CNTROB: variants seen among roughly 807,000 people sequenced by gnomAD.
The protein encoded by CNTROB is centrobin, centriole duplication and spindle assembly protein, also known as centrobin.
In CNTROB, 82 loss-of-function variants were observed where a neutral mutation model predicts 115.7. That is an observed-to-expected ratio of 0.71 (90% CI 0.59 to 0.85). The LOEUF (loss-of-function observed/expected upper bound fraction) is 0.85. Among genes scored for constraint, CNTROB ranks in the 40% least tolerant of loss-of-function variants. The probability of loss-of-function intolerance (pLI) is 0.00; values close to 1 mark genes in which losing one functional copy is unlikely to be tolerated. For synonymous variants in CNTROB, 439 were observed against 456.4 expected (o/e 0.96, Z 0.49); for missense variants, 1,014 against 1,144.4 (o/e 0.89, Z 1.64).
chr17:7,947,477 C>A, intron 13 of CNTROB, 94 bp from the exon 14 acceptor site: 1 of 1,190,382 alleles, frequency 8.4e-7, no homozygotes, highest in South Asian at 2.0e-5. Flanking sequence ...TTTAATAGGC[C>A]CCTTTCTTCT....
chr17:7,933,936 T>G (rs529274225), intron 1 of CNTROB, among the ~76,000 whole-genome samples: 1 of 152,234 alleles, frequency 6.6e-6, no homozygotes, highest in Non-Finnish European at 1.5e-5. Context: ...ACTCTTGTCT[T>G]ATACCTCCTC....
intron 13 of CNTROB, among the ~76,000 whole-genome samples, chr17:7,946,687 G>A (rs1974569378): frequency 6.6e-6 from 1 of 152,160 alleles, no homozygotes; most frequent in African/African-American, 2.4e-5. Context: ...GACCCATATA[G>A]TGAGACCTCA....
chr17:7,947,978 T>C lies in CNTROB; in HGVS notation c.2208T>C (p.Ser736=). The change falls in exon 15 of 19, where the codon TCT becomes TCC. Residue 736 remains serine, a splice_region_variant and synonymous_variant. Coordinates refer to ENST00000563694, the MANE Select transcript of CNTROB (RefSeq NM_053051.5). The part of the protein sequence containing the change: ...NPSVDLLPPK[S]GPLTVPSWEE... ...CTGTCGACCTGTTGCCCCCTAAGTC[T>C]GGTGAGTTCCAACTCTGAAGAAGGT... The C allele has an allele frequency of 6.2e-7, 1 of 1,613,464 alleles. No homozygotes were observed. Among genetic ancestry groups the C allele is most frequent in the Non-Finnish European group, 8.5e-7 (1 of 1,179,478 alleles).
rs748617832 is a variant in CNTROB at position 7,940,168 on chromosome 17, C to T, written c.1237C>T (p.Arg413Trp). 16 of 1,611,518 alleles carry T rather than the reference C, an allele frequency of 9.9e-6. No individual in the cohort carries two copies. The highest frequency in any genetic ancestry group is 8.0e-5 in the African/African-American group (6 of 74,760). The change falls in exon 9 of 19, where the codon CGG becomes TGG. Residue 413 changes from arginine to tryptophan, a missense_variant. Coordinates refer to ENST00000563694, the MANE Select transcript of CNTROB (RefSeq NM_053051.5). ...HQLALVQSEV[R>W]RLEGELDTAR... The stretch of plus-strand genomic sequence containing the variant: ...GTTGGCATTGGTGCAGTCTGAGGTG[C>T]GGCGGCTGGAAGGAGAGCTGGATAC...
chr17:7,937,706 G>A (rs2151745959), intron 7 of CNTROB, among the ~76,000 whole-genome samples: 1 of 152,180 alleles, frequency 6.6e-6, no homozygotes, highest in South Asian at 2.1e-4. Flanking sequence ...GGGAGGCTGA[G>A]GCAGGAGAAT....
Position 7,936,440 on chromosome 17 carries a change from T to C in CNTROB, c.669T>C (p.Ala223=), listed in dbSNP as rs1245600230. ...ELQQQLAVAV[A]ADRKKDTMIE... ...AGCAACAATTAGCCGTGGCTGTGGC[T>C]GCCGACCGCAAGAAAGATACCATGA... The change falls in exon 5 of 19, where the codon GCT becomes GCC. Residue 223 remains alanine, a synonymous_variant. Transcript: ENST00000563694. The C allele has an allele frequency of 1.3e-6, 2 of 1,563,404 alleles. No homozygotes were observed. Among genetic ancestry groups the C allele is most frequent in the Middle Eastern group, 1.7e-4 (1 of 5,962 alleles).
chr17:7,946,358 T>C (rs1974534538), intron 13 of CNTROB, among the ~76,000 whole-genome samples: 1 of 152,238 alleles, frequency 6.6e-6, no homozygotes, highest in South Asian at 2.1e-4. Context: ...AGTTTACACA[T>C]GGGTTTGACC....
chr17:7,933,114 TC>T lies in CNTROB; in HGVS notation c.36del (p.Ala14ArgfsTer5). ...ATSADSPSSP[L>X]GAEDLLSDSS... The stretch of plus-strand genomic sequence containing the variant: ...TCAGCTGACAGCCCCAGTTCACCCC[TC>T]GGGGCGGAGGATCTCCTGAGTGATT... On this transcript the variant is annotated frameshift_variant, in exon 1 of 19. Transcript: ENST00000563694. LOFTEE classifies it high-confidence loss of function. The T allele has an allele frequency of 6.2e-7, 1 of 1,614,112 alleles. No homozygotes were observed. The highest frequency in any genetic ancestry group is 8.5e-7 in the Non-Finnish European group (1 of 1,180,002).
rs1280718988 is a variant in CNTROB, at chr17:7,948,476, A to T, written c.2381-11A>T. On this transcript the variant is annotated splice_polypyrimidine_tract_variant and intron_variant, in intron 16 of 18. Coordinates refer to ENST00000563694, the MANE Select transcript of CNTROB (RefSeq NM_053051.5). The surrounding 1 kb of genome is among the most constrained non-coding windows in gnomAD (Gnocchi z 4.4). Reference sequence around the variant, plus strand: ...TAGGATGACGCCTGTGATTATTGCGATGTCTGTCAGGTGGAGATGGGCTTA... The same window carrying T: ...TAGGATGACGCCTGTGATTATTGCGTTGTCTGTCAGGTGGAGATGGGCTTA... 6.2e-7 allele frequency: 1 copy of T among 1,614,026 alleles called. No homozygotes were observed. The highest frequency in any genetic ancestry group is 8.5e-7 in the Non-Finnish European group (1 of 1,179,986).
In CNTROB at chr17:7,943,843, G is replaced by A. The variant is rs1411501538; in HGVS notation, c.1446-280G>A. Among the ~76,000 whole-genome samples, 6 of 152,318 alleles carry A rather than the reference G, an allele frequency of 3.9e-5. No homozygotes were observed. The East Asian group carries it at 1.2e-3, about 29-fold the overall frequency. On this transcript the variant is annotated intron_variant, in intron 10 of 18. Transcript: ENST00000563694. The surrounding 1 kb of genome is among the most constrained non-coding windows in gnomAD (Gnocchi z 4.7). ...CCTGTGCTGTCTCCAGAGCTGCTCT[G>A]TCGGACTGAGCCTCCTCGCAGCCTG...
Position 7,939,854 on chromosome 17 carries a change from A to C in CNTROB, c.1164+105A>C. On this transcript the variant is annotated intron_variant, in intron 8 of 18. Transcript: ENST00000563694. The surrounding 1 kb of genome is among the most constrained non-coding windows in gnomAD (Gnocchi z 4.4). ...ATATGGGGGATACATATAGGCAGGA[A>C]TGGAGAGTAGAGAGCCATGTGTGGG... 1 of 1,205,518 alleles carries C rather than the reference A, an allele frequency of 8.3e-7. No homozygotes were observed. The highest frequency in any genetic ancestry group is 1.2e-6 in the Non-Finnish European group (1 of 833,982). The allele number at this position is 1,205,518 out of a possible 1,614,324, so 74.7% of individuals were successfully genotyped here.
At chr17:7,934,283 G>A in intron 2 of CNTROB, 61 bp downstream of exon 2, 1 of 1,516,368 alleles carries the variant, frequency 6.6e-7, no homozygotes. Flanking sequence ...GTGGGAGAAA[G>A]TGGACAGAGG....
chr17:7,936,841 A>G (rs1372443812), intron 6 of CNTROB, 24 bp downstream of exon 6: 2 of 922,262 alleles, frequency 2.2e-6, no homozygotes, highest in Admixed American at 1.7e-5. Context: ...AGCATATGGC[A>G]TTAGAACCTG....
Position 7,939,684 on chromosome 17 carries a change from C to G in CNTROB, c.1099C>G (p.His367Asp). 6.2e-7 allele frequency: 1 copy of G among 1,614,086 alleles called. No homozygotes were observed. ...EERQTWAQQE[H>D]QLKEHYQALQ... Reference sequence around the variant, plus strand: ...ACGGCAGACCTGGGCCCAGCAAGAGCACCAGCTTAAGGAACACTACCAGGC... The same window carrying G: ...ACGGCAGACCTGGGCCCAGCAAGAGGACCAGCTTAAGGAACACTACCAGGC... The change falls in exon 8 of 19, where the codon CAC becomes GAC. Residue 367 changes from histidine to aspartate, a missense_variant. Physicochemically the swap from His to Asp is moderately conservative, Grantham distance 81. Coordinates refer to ENST00000563694, the MANE Select transcript of CNTROB (RefSeq NM_053051.5). This position sits in a 1 kb window ranked among gnomAD's most constrained non-coding sequence, Gnocchi z 4.4.
chr17:7,939,758 G>A lies in CNTROB; in HGVS notation c.1164+9G>A, dbSNP rs755889366. Reference sequence around the variant, plus strand: ...AGCTGGAAAGGGAGAAGGTAAAAGTGGCAGTTGGAAGAGCTGAGGAACTAG... The same window carrying A: ...AGCTGGAAAGGGAGAAGGTAAAAGTAGCAGTTGGAAGAGCTGAGGAACTAG... On this transcript the variant is annotated intron_variant, in intron 8 of 18. Coordinates refer to ENST00000563694, the MANE Select transcript of CNTROB (RefSeq NM_053051.5). This position sits in a 1 kb window ranked among gnomAD's most constrained non-coding sequence, Gnocchi z 4.4. The A allele has an allele frequency of 6.2e-7, 1 of 1,612,980 alleles. No individual in the cohort carries two copies. The highest frequency in any genetic ancestry group is 8.5e-7 in the Non-Finnish European group (1 of 1,179,188).
chr17:7,942,787 A>ATTTTTTTTTTTTT (rs71159534), intron 9 of CNTROB, among the ~76,000 whole-genome samples: 2 of 35,792 alleles, frequency 5.6e-5, no homozygotes, highest in Non-Finnish European at 1.0e-4. Flanking sequence ...TACTCAGGGT[A>ATTTTTTTTTTTTT]TTTTTTTTTT....
Position 7,933,236 on chromosome 17 carries a change from C to T in CNTROB, c.157C>T (p.Arg53Ter), listed in dbSNP as rs760015225. The stretch of plus-strand genomic sequence containing the variant: ...CAGCCGGCAGGCGGAGGCCACGGCC[C>T]GAGCCCAGCTGTATTTACCCTCCAC... ...RLSRQAEATA[R>*]AQLYLPSTSP... The change falls in exon 1 of 19, where the codon CGA becomes TGA. Residue 53 changes from arginine to a stop codon, truncating the protein, a stop_gained. Coordinates refer to ENST00000563694, the MANE Select transcript of CNTROB (RefSeq NM_053051.5). LOFTEE classifies it high-confidence loss of function. 4 of 1,614,214 alleles carry T rather than the reference C, an allele frequency of 2.5e-6. No homozygotes were observed. The highest frequency in any genetic ancestry group is 1.7e-5 in the Admixed American group (1 of 60,028).
chr17:7,946,193 A>C (rs561953805), intron 13 of CNTROB, among the ~76,000 whole-genome samples: 1 of 152,362 alleles, frequency 6.6e-6, no homozygotes, highest in Non-Finnish European at 1.5e-5. Context: ...GGACTTAATG[A>C]GAACTGGAGT....
upstream of CNTROB, chr17:7,932,084 C>A: frequency 1.8e-6 from 1 of 540,930 alleles, no homozygotes; most frequent in East Asian, 3.1e-5. Context: ...CTCAGCCAAT[C>A]TGTGGCCACC....
Sources: gnomAD v4.1 joint callset for allele counts (sites outside exome capture counted in the v4.1 genomes callset) on GRCh38, gnomAD v4.1.1 for gene constraint, Gnocchi (gnomAD v3.1) non-coding constraint, MANE v1.5 for transcripts, NCBI Gene and HGNC (gene_info 2026-07-23, HGNC 2026-07-21) for gene names.